The following CDH4 variants were observed in gnomAD, a reference collection of about 807,000 sequenced individuals.
The protein encoded by CDH4 is cadherin 4, also known as cadherin-4.
A neutral mutation model predicts 86.0 loss-of-function variants in CDH4; 33 were observed. The observed-to-expected ratio is 0.38, with a 90% CI of 0.29 to 0.51. CDH4 has a LOEUF of 0.51. Among genes scored for constraint, CDH4 ranks in the 20% least tolerant of loss-of-function variants. The probability of loss-of-function intolerance (pLI) is 0.86; values close to 1 mark genes in which losing one functional copy is unlikely to be tolerated. For synonymous variants in CDH4, 555 were observed against 549.4 expected (o/e 1.01, Z -0.14); for missense variants, 1,114 against 1,307.4 (o/e 0.85, Z 2.28).
intron 2 of CDH4, among the ~76,000 whole-genome samples, chr20:61,415,655 A>T (rs755711997): frequency 1.8e-4 from 28 of 152,026 alleles, no homozygotes; most frequent in Non-Finnish European, 3.5e-4. Context: ...AGCTGTTTTC[A>T]CTTAGCATGA....
Position 61,501,187 on chromosome 20 carries a change from G to C in CDH4, c.170-242376G>C, listed in dbSNP as rs2085698366. Among the ~76,000 whole-genome samples the C allele has an allele frequency of 1.3e-5, 2 of 152,226 alleles. No individual in the cohort carries two copies. Among genetic ancestry groups the C allele is most frequent in the African/African-American group, 4.8e-5 (2 of 41,460 alleles). Reference sequence around the variant, plus strand: ...GAGCTACAATAGACTCAGGCTGGGGGAGGTGGCGCTGCCATCCGCCATCTC... The same window carrying C: ...GAGCTACAATAGACTCAGGCTGGGGCAGGTGGCGCTGCCATCCGCCATCTC... On this transcript the variant is annotated intron_variant, in intron 2 of 15. Transcript: ENST00000614565. The surrounding 1 kb of genome is among the most constrained non-coding windows in gnomAD (Gnocchi z 4.2).
At chr20:61,853,331 C>T (rs1347190177) in intron 6 of CDH4, among the ~76,000 whole-genome samples, 2 of 152,022 alleles carry the variant, frequency 1.3e-5, no homozygotes, top group Non-Finnish European at 2.9e-5. Flanking sequence ...GGGGAGGCAA[C>T]GAAGTCAGAG....
intron 4 of CDH4, among the ~76,000 whole-genome samples, chr20:61,804,023 C>G (rs1362306301): frequency 6.6e-6 from 1 of 152,234 alleles, no homozygotes; most frequent in Admixed American, 6.5e-5. Context: ...AGTTGCCAAA[C>G]TCACAAATGT....
chr20:61,917,798 A>T (rs945669452), intron 9 of CDH4, among the ~76,000 whole-genome samples: 4 of 152,284 alleles, frequency 2.6e-5, no homozygotes, highest in African/African-American at 9.6e-5. Context: ...CTGCTGGAGC[A>T]AATTACCTAT....
At chr20:61,449,346 T>G (rs1201921841) in intron 2 of CDH4, among the ~76,000 whole-genome samples, 1 of 152,206 alleles carries the variant, frequency 6.6e-6, no homozygotes, top group Non-Finnish European at 1.5e-5. Context: ...ATTTACATAT[T>G]CCTGATTCTC....
chr20:61,620,490 G>A (rs1221698886), intron 2 of CDH4, among the ~76,000 whole-genome samples: 1 of 151,944 alleles, frequency 6.6e-6, no homozygotes, highest in Admixed American at 6.6e-5. Context: ...GATGGATGAT[G>A]GATGGATGAT....
rs533338030 is a variant in CDH4, at chr20:61,269,780, A to T, written c.169+14843A>T. Among the ~76,000 whole-genome samples the T allele has an allele frequency of 6.6e-6, 1 of 151,848 alleles. No homozygotes were observed. Among genetic ancestry groups the T allele is most frequent in the South Asian group, 2.1e-4 (1 of 4,796 alleles). ...TTGGGAAAGGTGAGTTGCTCTCCCAACCCCAGGCTCCAGAGGCTCCCGGCG... is the reference window on the plus strand; with the variant it reads ...TTGGGAAAGGTGAGTTGCTCTCCCATCCCCAGGCTCCAGAGGCTCCCGGCG... On this transcript the variant is annotated intron_variant, in intron 2 of 15. Coordinates refer to ENST00000614565, the MANE Select transcript of CDH4 (RefSeq NM_001794.5). The surrounding 1 kb of genome is among the most constrained non-coding windows in gnomAD (Gnocchi z 5.3).
intron 2 of CDH4, among the ~76,000 whole-genome samples, chr20:61,680,582 A>C (rs2087500634): frequency 6.6e-6 from 1 of 152,158 alleles, no homozygotes; most frequent in African/African-American, 2.4e-5. Context: ...GGCGGGGAGA[A>C]ACACAAAGAG....
intron 2 of CDH4, among the ~76,000 whole-genome samples, chr20:61,365,777 A>G (rs1039177335): frequency 2.6e-5 from 4 of 152,114 alleles, no homozygotes; most frequent in Admixed American, 2.6e-4. Flanking sequence ...ACAGTAACCA[A>G]GCTCACTGGG....
At chr20:61,532,889 G>A (rs67975619) in intron 2 of CDH4, among the ~76,000 whole-genome samples, 12,462 of 152,164 alleles carry the variant, frequency 0.082, 739 homozygotes, top group East Asian at 0.33. Flanking sequence ...TCAGTGTGGC[G>A]TAGCTGGGCT....
chr20:61,439,126 T>C (rs2085300996), intron 2 of CDH4, among the ~76,000 whole-genome samples: 1 of 152,218 alleles, frequency 6.6e-6, no homozygotes, highest in African/African-American at 2.4e-5. Flanking sequence ...AAAAATAGTT[T>C]GATTTTTTGT....
At chr20:61,823,022 G>A (rs1241794836) in intron 4 of CDH4, among the ~76,000 whole-genome samples, 1 of 152,174 alleles carries the variant, frequency 6.6e-6, no homozygotes, top group African/African-American at 2.4e-5. Flanking sequence ...AGTTAGCTAG[G>A]GCGACCATGG....
chr20:61,851,820 C>T (rs1982739171), intron 5 of CDH4, among the ~76,000 whole-genome samples: 1 of 152,184 alleles, frequency 6.6e-6, no homozygotes. Context: ...GCGGCCACCA[C>T]ACCCACTGAT....
intron 4 of CDH4, among the ~76,000 whole-genome samples, chr20:61,803,067 C>T (rs1440103494): frequency 6.6e-6 from 1 of 152,220 alleles, no homozygotes; most frequent in Non-Finnish European, 1.5e-5. Flanking sequence ...CTTCCCACGC[C>T]CCCACTGCTA....
chr20:61,487,826 C>T (rs2085604733), intron 2 of CDH4, among the ~76,000 whole-genome samples: 1 of 152,212 alleles, frequency 6.6e-6, no homozygotes, highest in South Asian at 2.1e-4. Flanking sequence ...AATTGAAGTA[C>T]TATTCAAAGT....
chr20:61,337,697 G>T (rs988259975), intron 2 of CDH4, among the ~76,000 whole-genome samples: 5 of 151,990 alleles, frequency 3.3e-5, no homozygotes, highest in Admixed American at 1.3e-4. Flanking sequence ...TGTCATCCCT[G>T]CTTGGGAAGC....
intron 4 of CDH4, among the ~76,000 whole-genome samples, chr20:61,787,627 G>A (rs1157523600): frequency 1.3e-5 from 2 of 152,202 alleles, no homozygotes; most frequent in Admixed American, 6.5e-5. Flanking sequence ...GGGAACAGAT[G>A]GAACAGTCCA....
intron 5 of CDH4, among the ~76,000 whole-genome samples, chr20:61,850,393 C>T (rs1199637048): frequency 3.3e-5 from 5 of 152,190 alleles, no homozygotes; most frequent in Non-Finnish European, 5.9e-5. Context: ...CACCTTTACC[C>T]CTCGGCCACT....
At chr20:61,511,586 C>T (rs1055566641) in intron 2 of CDH4, among the ~76,000 whole-genome samples, 10 of 152,226 alleles carry the variant, frequency 6.6e-5, no homozygotes, top group Admixed American at 1.3e-4. Flanking sequence ...CTTAAGTCTA[C>T]TTATAGCATT....
Sources: allele counts gnomAD v4.1 joint callset (sites outside exome capture counted in the v4.1 genomes callset), GRCh38; gene constraint gnomAD v4.1.1; non-coding constraint Gnocchi (gnomAD v3.1); transcripts MANE v1.5; gene names NCBI Gene and HGNC (gene_info 2026-07-23, HGNC 2026-07-21).